OLFM2: variants seen among roughly 807,000 people sequenced by gnomAD.
The protein encoded by OLFM2 is olfactomedin 2.
Under a neutral mutation model 43.9 loss-of-function variants are expected in OLFM2, and 20 were observed. The observed-to-expected ratio is 0.46, with a 90% CI of 0.32 to 0.66. The LOEUF (loss-of-function observed/expected upper bound fraction) is 0.66, where lower values mean the gene tolerates loss of function less well. Among genes scored for constraint, OLFM2 ranks in the 30% least tolerant of loss-of-function variants. The probability of loss-of-function intolerance (pLI) is 0.04; values close to 1 mark genes in which losing one functional copy is unlikely to be tolerated. For synonymous variants in OLFM2, 268 were observed against 278.6 expected (o/e 0.96, Z 0.38); for missense variants, 416 against 643.6 (o/e 0.65, Z 3.83).
intron 1 of OLFM2, among the ~76,000 whole-genome samples, chr19:9,875,672 T>G (rs78207443): frequency 2.4e-4 from 18 of 76,056 alleles, no homozygotes; most frequent in South Asian, 3.9e-4. Context: ...TGTTGTTGTT[T>G]TTCTTTTGTT....
rs200025831 is a variant in OLFM2 at position 9,898,503 on chromosome 19, CAAT to C, written c.64-37712_64-37710del. On this transcript the variant is annotated intron_variant, in intron 1 of 5. Transcript: ENST00000264833. ...TGCCATTGCACTCCAGCCTGAGCAACAATGAGACTCCGTCTCAAAAAAAAAAAA... is the reference window on the plus strand; with the variant it reads ...TGCCATTGCACTCCAGCCTGAGCAACGAGACTCCGTCTCAAAAAAAAAAAA... Among the ~76,000 whole-genome samples the C allele has an allele frequency of 8.1e-3, 1,224 of 150,538 alleles. 12 individuals are homozygous for C. The highest frequency in any genetic ancestry group is 0.028 in the African/African-American group (1,134 of 40,918).
chr19:9,913,674 C>G, intron 1 of OLFM2: 1 of 1,118,918 alleles, frequency 8.9e-7, no homozygotes, highest in Non-Finnish European at 1.1e-6. Context: ...TCTGGCCCGC[C>G]GCGGGGCGCT....
chr19:9,885,522 G>A (rs1450560898), intron 1 of OLFM2, among the ~76,000 whole-genome samples: 4 of 151,078 alleles, frequency 2.6e-5, no homozygotes, highest in Non-Finnish European at 5.9e-5. Context: ...TGCTGAGCAC[G>A]GCGGCTCATT....
intron 1 of OLFM2, among the ~76,000 whole-genome samples, chr19:9,918,039 T>C (rs36097678): frequency 0.65 from 98,197 of 151,564 alleles, 32,286 homozygotes; most frequent in African/African-American, 0.76. Context: ...CCACCATGCC[T>C]GGGTAATTTT....
chr19:9,928,323 C>G (rs991737977), intron 1 of OLFM2, among the ~76,000 whole-genome samples: 1 of 152,186 alleles, frequency 6.6e-6, no homozygotes, highest in Non-Finnish European at 1.5e-5. Flanking sequence ...AAGTGAGAAG[C>G]TATTTGCCAT....
chr19:9,874,209 T>A (rs1290715053), intron 1 of OLFM2, among the ~76,000 whole-genome samples: 1 of 152,166 alleles, frequency 6.6e-6, no homozygotes, highest in African/African-American at 2.4e-5. Flanking sequence ...CACGTTACAC[T>A]CAGTGGTTAT....
chr19:9,892,485 T>C (rs2046647889), intron 1 of OLFM2, among the ~76,000 whole-genome samples: 1 of 151,962 alleles, frequency 6.6e-6, no homozygotes. Context: ...CCAAGGTGGG[T>C]GGATCACTTG....
intron 5 of OLFM2, among the ~76,000 whole-genome samples, 166 bp from the exon 6 acceptor site, chr19:9,855,029 C>T (rs1396331863): frequency 2.0e-5 from 3 of 152,154 alleles, no homozygotes; most frequent in African/African-American, 7.2e-5. Context: ...CCATGATCAT[C>T]TCCTGGTGAC....
intron 1 of OLFM2, among the ~76,000 whole-genome samples, chr19:9,928,641 T>C (rs2086466356): frequency 1.3e-5 from 2 of 150,336 alleles, no homozygotes; most frequent in South Asian, 4.2e-4. Context: ...CCCGTCTCTA[T>C]TAAAAATACA....
chr19:9,885,991 G>A (rs1014874919), intron 1 of OLFM2, among the ~76,000 whole-genome samples: 2 of 151,850 alleles, frequency 1.3e-5, no homozygotes, highest in Non-Finnish European at 2.9e-5. Context: ...CAGCTACATG[G>A]GAGGCTGAGG....
intron 1 of OLFM2, among the ~76,000 whole-genome samples, chr19:9,890,219 A>G (rs1263422300): frequency 2.0e-5 from 3 of 152,170 alleles, no homozygotes; most frequent in Non-Finnish European, 4.4e-5. Context: ...GTGGAAAAAT[A>G]CCACCCACTC....
chr19:9,907,000 G>A (rs1307267794), intron 1 of OLFM2, among the ~76,000 whole-genome samples: 1 of 152,142 alleles, frequency 6.6e-6, no homozygotes, highest in Admixed American at 6.6e-5. Flanking sequence ...ACGCCCTCCT[G>A]AGTGGCAGCC....
intron 1 of OLFM2, among the ~76,000 whole-genome samples, chr19:9,865,894 T>G (rs1475997989): frequency 6.6e-6 from 1 of 150,816 alleles, no homozygotes; most frequent in Non-Finnish European, 1.5e-5. Flanking sequence ...CTGGCTCTAG[T>G]CCCCAAGCAA....
chr19:9,890,236 C>G (rs2046626503), intron 1 of OLFM2, among the ~76,000 whole-genome samples: 1 of 152,166 alleles, frequency 6.6e-6, no homozygotes, highest in Non-Finnish European at 1.5e-5. Flanking sequence ...ACTCCGGGGG[C>G]AGAGAAGGTG....
At chr19:9,916,158 A>C (rs968053828) in intron 1 of OLFM2, among the ~76,000 whole-genome samples, 2 of 152,086 alleles carry the variant, frequency 1.3e-5, no homozygotes, top group Non-Finnish European at 2.9e-5. Flanking sequence ...GGAGTTCGAG[A>C]CCAGCCTGGC....
At chr19:9,864,623 GGGGTCTTGCTGTCGCTCAGGTCT>G (rs1223665430) in intron 1 of OLFM2, among the ~76,000 whole-genome samples, 4 of 151,040 alleles carry the variant, frequency 2.6e-5, no homozygotes, top group Non-Finnish European at 5.9e-5. Flanking sequence ...TTTTTAAGAT[GGGGTCTTGCTGTCGCTCAGGTCT>G]GGGTCTTGCT....
At position 9,854,448 on chromosome 19, in the gene OLFM2, C is replaced by T. The variant is rs750981721; in HGVS notation, c.1103G>A (p.Arg368His). ...GATCATGAAGGCCTCGCCAGCGCTGCGCTTGGGGTAGCCGGTGTCCCAGGA... is the reference window on the plus strand; with the variant it reads ...GATCATGAAGGCCTCGCCAGCGCTGTGCTTGGGGTAGCCGGTGTCCCAGGA... ...MRSWDTGYPK[R>H]SAGEAFMICG... The change falls in exon 6 of 6, where the codon CGC becomes CAC. Residue 368 changes from arginine (R) to histidine (H), a missense_variant. By Grantham distance (29) the Arg-to-His change is conservative (BLOSUM62 0). Coordinates refer to ENST00000264833, the MANE Select transcript of OLFM2 (RefSeq NM_058164.4). The surrounding 1 kb of genome is among the most constrained non-coding windows in gnomAD (Gnocchi z 9.5). 6.2e-7 allele frequency: 1 copy of T among 1,614,166 alleles called. No homozygotes were observed. The highest frequency in any genetic ancestry group is 1.7e-5 in the Admixed American group (1 of 60,024).
In OLFM2 at chr19:9,857,425, T is replaced by C; in HGVS notation, c.418A>G (p.Lys140Glu). 1 of 1,614,128 alleles carries C rather than the reference T, an allele frequency of 6.2e-7. No individual in the cohort carries two copies. The highest frequency in any genetic ancestry group is 8.5e-7 in the Non-Finnish European group (1 of 1,180,018). The change falls in exon 4 of 6, where the codon AAG (lysine) becomes GAG (glutamate). Residue 140 changes from lysine to glutamate, a missense_variant. Physicochemically the swap from Lys to Glu is moderately conservative, Grantham distance 56 (BLOSUM62 1). Coordinates refer to ENST00000264833, the MANE Select transcript of OLFM2 (RefSeq NM_058164.4). This position sits in a 1 kb window ranked among gnomAD's most constrained non-coding sequence, Gnocchi z 5.7. ...CGTACAATGGTCCGCGTGTCTGCCT[T>C]GTACTGCTCCAGGACCGAGCTCAGG... The part of the protein sequence containing the change: ...LPLSSVLEQY[K>E]ADTRTIVRLR...
At chr19:9,869,219 T>C (rs2046425219) in intron 1 of OLFM2, among the ~76,000 whole-genome samples, 1 of 152,118 alleles carries the variant, frequency 6.6e-6, no homozygotes, top group African/African-American at 2.4e-5. Flanking sequence ...GCTCAATTAT[T>C]TTTGGCAGGG....
Sources: allele counts gnomAD v4.1 joint callset (sites outside exome capture counted in the v4.1 genomes callset), GRCh38; gene constraint gnomAD v4.1.1; non-coding constraint Gnocchi (gnomAD v3.1); transcripts MANE v1.5; gene names NCBI Gene and HGNC (gene_info 2026-07-23, HGNC 2026-07-21).